EPB41L5: variants seen among roughly 807,000 people sequenced by gnomAD.
EPB41L5 encodes the protein band 4.1-like protein 5.
EPB41L5 carries 55 observed loss-of-function variants against 106.6 expected under a neutral mutation model. That is an observed-to-expected ratio of 0.52 (90% confidence interval 0.42 to 0.65). The LOEUF (loss-of-function observed/expected upper bound fraction) is 0.65. Among genes scored for constraint, EPB41L5 ranks in the 30% least tolerant of loss-of-function variants. The probability of loss-of-function intolerance (pLI) is 0.00; values close to 1 mark genes in which losing one functional copy is unlikely to be tolerated. For synonymous variants in EPB41L5, 297 were observed against 306.7 expected (o/e 0.97, Z 0.33); for missense variants, 871 against 882.1 (o/e 0.99, Z 0.16).
At chr2:120,139,724 T>TG (rs1285972021) in intron 18 of EPB41L5, among the ~76,000 whole-genome samples, 1 of 151,914 alleles carries the variant, frequency 6.6e-6, no homozygotes, top group African/African-American at 2.4e-5. Flanking sequence ...TTGTACACTG[T>TG]TGGTGGGAAT....
At chr2:120,067,935 C>T (rs1164418535) in intron 3 of EPB41L5, among the ~76,000 whole-genome samples, 1 of 152,128 alleles carries the variant, frequency 6.6e-6, no homozygotes, top group African/African-American at 2.4e-5. Flanking sequence ...AGCATGTCAT[C>T]CTTGTTACTG....
intron 7 of EPB41L5, 91 bp from the exon 8 acceptor site, chr2:120,076,880 A>C: frequency 8.4e-7 from 1 of 1,191,034 alleles, no homozygotes; most frequent in Non-Finnish European, 1.1e-6. Context: ...ATTCCTAAGA[A>C]TCTTTCTAAT....
At position 120,019,146 on chromosome 2, in the gene EPB41L5, AACG is replaced by A. The variant is rs1327731286; in HGVS notation, c.65_67del (p.Arg22del). ...TCTATGCGTAAACATGCAGAGAAGG[AACG>A]ACTCCGAGAAGCACAACGCGCCGCC... On this transcript the variant is annotated inframe_deletion, in exon 2 of 25. Transcript: ENST00000263713. 4.3e-6 allele frequency: 7 copies of A among 1,613,480 alleles called. No individual in the cohort carries two copies. Among genetic ancestry groups the A allele is most frequent in the Non-Finnish European group, 5.9e-6 (7 of 1,179,808 alleles).
rs569211862 is a variant in EPB41L5, at chr2:120,072,056, T to C, written c.286-1122T>C. 1.7e-4 allele frequency among the ~76,000 whole-genome samples: 26 copies of C among 152,196 alleles called. No individual in the cohort carries two copies. In the East Asian group the frequency reaches 5.0e-3, roughly 29 times the overall value. Reference sequence around the variant, plus strand: ...GTATCCATCTGGCAAAGAGCTAATATCCAGAATGTATAAGAAACTTAAACA... The same window carrying C: ...GTATCCATCTGGCAAAGAGCTAATACCCAGAATGTATAAGAAACTTAAACA... On this transcript the variant is annotated intron_variant, in intron 3 of 24. Transcript: ENST00000263713.
At chr2:120,019,323 T>C in intron 2 of EPB41L5, 59 bp downstream of exon 2, 1 of 1,504,984 alleles carries the variant, frequency 6.6e-7, no homozygotes, top group Non-Finnish European at 9.1e-7. Flanking sequence ...TGTTTGTTTG[T>C]TTAAAAGCTT....
At chr2:120,045,799 A>T (rs544101846) in intron 3 of EPB41L5, among the ~76,000 whole-genome samples, 1 of 152,048 alleles carries the variant, frequency 6.6e-6, no homozygotes, top group African/African-American at 2.4e-5. Flanking sequence ...ATATCTCCTA[A>T]TGCTATCCCT....
At chr2:120,162,365 T>TA (rs1490499802) in intron 21 of EPB41L5, among the ~76,000 whole-genome samples, 2 of 152,262 alleles carry the variant, frequency 1.3e-5, no homozygotes, top group Non-Finnish European at 2.9e-5. Flanking sequence ...CATGAACACT[T>TA]ACCATTTGTC....
At chr2:120,061,229 T>A (rs1681042660) in intron 3 of EPB41L5, among the ~76,000 whole-genome samples, 1 of 94,660 alleles carries the variant, frequency 1.1e-5, no homozygotes. Context: ...TTTTTTTTTA[T>A]TTTTTTTTTT....
intron 10 of EPB41L5, 41 bp from the exon 11 acceptor site, chr2:120,087,130 T>C (rs1282056260): frequency 1.6e-6 from 2 of 1,219,988 alleles, no homozygotes; most frequent in Non-Finnish European, 2.4e-6. Flanking sequence ...TTAGAGAACA[T>C]TTGTTTGTAA....
rs541526232 is a variant in EPB41L5 at position 120,046,106 on chromosome 2, G to T, written c.285+3996G>T. ...AGTCTTTGCCATTGTGAATAGTGCC[G>T]CAGTAAACATACGTGTGCATGTGTC... is the stretch of plus-strand genomic sequence containing the variant. On this transcript the variant is annotated intron_variant, in intron 3 of 24. Coordinates refer to ENST00000263713, the MANE Select transcript of EPB41L5 (RefSeq NM_020909.4). Among the ~76,000 whole-genome samples, 31 of 152,206 alleles carry T rather than the reference G, an allele frequency of 2.0e-4. No individual in the cohort carries two copies. In the South Asian group the frequency reaches 5.8e-3, roughly 29 times the overall value.
intron 3 of EPB41L5, among the ~76,000 whole-genome samples, chr2:120,069,502 G>T (rs1030621300): frequency 6.6e-6 from 1 of 152,102 alleles, no homozygotes; most frequent in Non-Finnish European, 1.5e-5. Flanking sequence ...CTCCACCCCA[G>T]ATCAGCAGAA....
intron 20 of EPB41L5, among the ~76,000 whole-genome samples, chr2:120,149,799 A>G (rs1334994695): frequency 1.3e-5 from 2 of 152,088 alleles, no homozygotes; most frequent in East Asian, 1.9e-4. Context: ...GGAACTGCCA[A>G]ACTGTTTTCT....
chr2:120,074,174 AC>A lies in EPB41L5; in HGVS notation c.406del (p.Arg136GlyfsTer8). The A allele has an allele frequency of 6.2e-7, 1 of 1,609,376 alleles. No individual in the cohort carries two copies. Among genetic ancestry groups the A allele is most frequent in the Non-Finnish European group, 8.5e-7 (1 of 1,176,812 alleles). ...SEPNNLREEL[T>X]RYLFVLQLKQ... Reference sequence around the variant, plus strand: ...ACCAAATAACCTTCGTGAGGAGCTAACCCGGTAAGAACACCATCTAGAATTG... The same window carrying A: ...ACCAAATAACCTTCGTGAGGAGCTAACCGGTAAGAACACCATCTAGAATTG... On this transcript the variant is annotated frameshift_variant, in exon 5 of 25. Coordinates refer to ENST00000263713, the MANE Select transcript of EPB41L5 (RefSeq NM_020909.4). LOFTEE classifies it high-confidence loss of function.
chr2:120,041,819 G>A (rs546086429), intron 2 of EPB41L5, among the ~76,000 whole-genome samples, 187 bp from the exon 3 acceptor site: 42 of 152,252 alleles, frequency 2.8e-4, no homozygotes, highest in African/African-American at 9.9e-4. Context: ...TCGCAAATTT[G>A]TTTTTGGCCT....
intron 2 of EPB41L5, among the ~76,000 whole-genome samples, chr2:120,022,203 C>CTT (rs1285536473): frequency 6.6e-6 from 1 of 151,830 alleles, no homozygotes. Context: ...TTAAATTGTA[C>CTT]TTTAAGTTCT....
At chr2:120,071,984 G>A (rs191048607) in intron 3 of EPB41L5, among the ~76,000 whole-genome samples, 33 of 152,174 alleles carry the variant, frequency 2.2e-4, no homozygotes, top group Admixed American at 6.5e-4. Flanking sequence ...TCATCAGAGC[G>A]AACAGGCAAT....
At chr2:120,114,892 T>G (rs1332423734) in intron 16 of EPB41L5, among the ~76,000 whole-genome samples, 1 of 152,206 alleles carries the variant, frequency 6.6e-6, no homozygotes, top group Non-Finnish European at 1.5e-5. Flanking sequence ...AAAGAACTAT[T>G]GTTGTCTATC....
In EPB41L5 at chr2:120,055,373, G is replaced by A. The variant is rs915418345; in HGVS notation, c.285+13263G>A. 2.6e-5 allele frequency among the ~76,000 whole-genome samples: 4 copies of A among 151,952 alleles called. 1 individual carries two copies. The highest frequency in any genetic ancestry group is 2.0e-4 in the Admixed American group (3 of 15,254). ...TGCAAAAAAGGCAGTTGGAATTTTG[G>A]TAGGGATTGCACTGAATCTGTATAT... On this transcript the variant is annotated intron_variant, in intron 3 of 24. Coordinates refer to ENST00000263713, the MANE Select transcript of EPB41L5 (RefSeq NM_020909.4).
intron 16 of EPB41L5, among the ~76,000 whole-genome samples, chr2:120,107,160 G>A (rs560228796): frequency 6.6e-6 from 1 of 152,138 alleles, no homozygotes; most frequent in African/African-American, 2.4e-5. Context: ...AACTGAACAA[G>A]TTTGAAGGTG....
Sources: allele counts gnomAD v4.1 joint callset (sites outside exome capture counted in the v4.1 genomes callset), GRCh38; gene constraint gnomAD v4.1.1; transcripts MANE v1.5; gene names NCBI Gene and HGNC (gene_info 2026-07-23, HGNC 2026-07-21).